COQ2: variants seen among roughly 807,000 people sequenced by gnomAD.
COQ2 encodes 4-hydroxybenzoate polyprenyltransferase, mitochondrial.
In COQ2, 25 loss-of-function variants were observed where a neutral mutation model predicts 35.7. The observed-to-expected ratio is 0.70, with a 90% confidence interval of 0.51 to 0.98. The LOEUF (loss-of-function observed/expected upper bound fraction) is 0.98. Among genes scored for constraint, COQ2 ranks in the 50% least tolerant of loss-of-function variants. The pLI, the probability that COQ2 is intolerant of heterozygous loss-of-function variation, is 0.00. For synonymous variants in COQ2, 206 were observed against 186.2 expected (o/e 1.11, Z -0.86); for missense variants, 488 against 473.5 (o/e 1.03, Z -0.28).
chr4:83,283,894 G>A, intron 1 of COQ2: 1 of 985,478 alleles, frequency 1.0e-6, no homozygotes, highest in Non-Finnish European at 1.2e-6. Flanking sequence ...GGGGGCGATT[G>A]TAAGCTGACA....
At chr4:83,272,006 T>C (rs1012152027) in intron 4 of COQ2, 81 bp downstream of exon 4, 4 of 898,920 alleles carry the variant, frequency 4.4e-6, no homozygotes, top group African/African-American at 1.7e-5. Context: ...TGTCATTTCA[T>C]CTTTACCTAT....
chr4:83,284,568 G>C lies in COQ2; in HGVS notation c.197C>G (p.Ser66Cys). The change falls in exon 1 of 7, where the codon TCT becomes TGT. Residue 66 changes from serine to cysteine, a missense_variant. Physicochemically the swap from Ser to Cys is moderately radical, Grantham distance 112 (BLOSUM62 -1). Transcript: ENST00000647002. ...GTACGGCTGCAGGGGGCGGGGCGCA[G>C]AGTCCACCACCGCCGCCGCGGACAA... ...LSLSAAAVVD[S>C]APRPLQPYLR... The C allele has an allele frequency of 6.4e-7, 1 of 1,564,202 alleles. No homozygotes were observed. The highest frequency in any genetic ancestry group is 8.6e-7 in the Non-Finnish European group (1 of 1,156,552).
intron 6 of COQ2, chr4:83,267,323 G>A (rs980901808): frequency 9.5e-6 from 4 of 422,532 alleles, no homozygotes; most frequent in African/African-American, 8.2e-5. Context: ...GTTGCAGTGA[G>A]CTGTGATTGC....
At chr4:83,266,811 C>A in intron 6 of COQ2, 1 of 187,188 alleles carries the variant, frequency 5.3e-6, no homozygotes, top group South Asian at 7.7e-5. Flanking sequence ...TCTCTACTGG[C>A]AGAACTTTGA....
intron 4 of COQ2, 127 bp from the exon 5 acceptor site, chr4:83,270,120 G>A (rs1735012286): frequency 9.9e-7 from 1 of 1,012,990 alleles, no homozygotes; most frequent in African/African-American, 1.7e-5. Flanking sequence ...GCTTTCTGTG[G>A]GTTCCTTCCT....
chr4:83,283,800 T>C, intron 1 of COQ2: 2 of 985,434 alleles, frequency 2.0e-6, no homozygotes, highest in African/African-American at 3.5e-5. Context: ...GTGAGTGCTA[T>C]TAAGAAAAAT....
chr4:83,282,391 A>T (rs1048829697), intron 1 of COQ2: 12 of 152,414 alleles, frequency 7.9e-5, no homozygotes, highest in African/African-American at 2.9e-4. Flanking sequence ...CAAAATAAGA[A>T]TTTAAATAAA....
Position 83,264,022 on chromosome 4 carries a change from C to T in COQ2, c.*177G>A, listed in dbSNP as rs1734851664. 1 of 479,974 alleles carries T rather than the reference C, an allele frequency of 2.1e-6. No individual in the cohort carries two copies. The highest frequency in any genetic ancestry group is 3.5e-6 in the Non-Finnish European group (1 of 282,044). 29.7% of individuals were successfully genotyped at this position (479,974 alleles called of 1,614,324 possible). A position where few individuals can be genotyped will look rare whatever the true frequency, so the allele number is the denominator to read the frequency against. ...AGGCCATCTCAAATCCTGAAGAGTC[C>T]CTGGTTTCTGTGACAAGGGGGAATT... On this transcript the variant is annotated 3_prime_UTR_variant, in exon 7 of 7. Transcript: ENST00000647002.
intron 1 of COQ2, chr4:83,283,531 CTTCTCG>C (rs1735378205): frequency 1.0e-6 from 1 of 985,330 alleles, no homozygotes; most frequent in African/African-American, 1.7e-5. Flanking sequence ...AGTATAATTT[CTTCTCG>C]AAACTTTCCA....
intron 2 of COQ2, among the ~76,000 whole-genome samples, chr4:83,275,763 A>C (rs1049566961): frequency 6.6e-6 from 1 of 152,018 alleles, no homozygotes; most frequent in Non-Finnish European, 1.5e-5. Context: ...CTACCAAATA[A>C]GATAAAGCAA....
chr4:83,278,587 C>T (rs1735237660), intron 2 of COQ2, among the ~76,000 whole-genome samples: 1 of 152,212 alleles, frequency 6.6e-6, no homozygotes, highest in African/African-American at 2.4e-5. Context: ...ATAGTTAGGG[C>T]TCTAAAATAC....
chr4:83,284,458 G>T, intron 1 of COQ2, 54 bp downstream of exon 1: 1 of 1,515,246 alleles, frequency 6.6e-7, no homozygotes, highest in South Asian at 1.2e-5. Flanking sequence ...CCGCGGAGCC[G>T]ACTCGGAGGC....
intron 1 of COQ2, 109 bp downstream of exon 1, chr4:83,284,403 A>C (rs918765819): frequency 1.1e-5 from 16 of 1,429,704 alleles, no homozygotes; most frequent in Non-Finnish European, 1.5e-5. Context: ...CCAAGCTTTC[A>C]GGTTCTCATT....
chr4:83,272,936 A>G (rs1360825421), intron 3 of COQ2, among the ~76,000 whole-genome samples: 1 of 152,202 alleles, frequency 6.6e-6, no homozygotes, highest in Non-Finnish European at 1.5e-5. Context: ...TCTAGTCTCC[A>G]TAAAGTAACT....
Position 83,282,051 on chromosome 4 carries a change from T to C in COQ2, c.253+2461A>G, listed in dbSNP as rs1003999313. Among the ~76,000 whole-genome samples, 8 of 151,944 alleles carry C rather than the reference T, an allele frequency of 5.3e-5. No homozygotes were observed. In the South Asian group the frequency reaches 6.2e-4, roughly 12 times the overall value. Reference sequence around the variant, plus strand: ...AGAGGTAGCAAAGACAAGAGACAAGTAGATTGCAAAAAGAAATGTTTTTGT... The same window carrying C: ...AGAGGTAGCAAAGACAAGAGACAAGCAGATTGCAAAAAGAAATGTTTTTGT... On this transcript the variant is annotated intron_variant, in intron 1 of 6. Coordinates refer to ENST00000647002, the MANE Select transcript of COQ2 (RefSeq NM_001358921.2).
chr4:83,272,875 C>T (rs189562532), intron 3 of COQ2, among the ~76,000 whole-genome samples: 37 of 152,202 alleles, frequency 2.4e-4, no homozygotes, highest in African/African-American at 8.7e-4. Context: ...AATAACCTTC[C>T]AAAGGTATTG....
chr4:83,268,835 T>A lies in COQ2; in HGVS notation c.762+1025A>T, dbSNP rs543890559. Among the ~76,000 whole-genome samples the A allele has an allele frequency of 5.9e-5, 9 of 152,332 alleles. No individual in the cohort carries two copies. In the East Asian group the frequency reaches 1.5e-3, roughly 26 times the overall value. On this transcript the variant is annotated intron_variant, in intron 5 of 6. Coordinates refer to ENST00000647002, the MANE Select transcript of COQ2 (RefSeq NM_001358921.2). ...AAGAAAACAGAATGAAATCCAGACA[T>A]ATTCTTCAAGTAAATGACTGAGAAT...
chr4:83,270,747 T>C (rs1484376145), intron 4 of COQ2, among the ~76,000 whole-genome samples: 3 of 152,174 alleles, frequency 2.0e-5, no homozygotes, highest in Non-Finnish European at 2.9e-5. Flanking sequence ...CAATGACCTG[T>C]TTATCTGTCA....
intron 1 of COQ2, chr4:83,282,629 C>A (rs567103277): frequency 3.1e-6 from 2 of 655,466 alleles, no homozygotes; most frequent in East Asian, 2.7e-4. Context: ...ATAATAATGG[C>A]TATTTCTTCA....
Sources: gnomAD v4.1 joint callset for allele counts (sites outside exome capture counted in the v4.1 genomes callset) on GRCh38, gnomAD v4.1.1 for gene constraint, MANE v1.5 for transcripts, NCBI Gene and HGNC (gene_info 2026-07-23, HGNC 2026-07-21) for gene names.